The following BBS9 variants were observed in gnomAD, a reference collection of about 807,000 sequenced individuals.
BBS9 encodes the protein Bardet-Biedl syndrome 9.
BBS9 carries 89 observed loss-of-function variants against 117.7 expected under a neutral mutation model. The ratio of observed to expected loss-of-function variants is 0.76; its 90% CI spans 0.64 to 0.90. The LOEUF is 0.90. Ranked by LOEUF, BBS9 falls within the 40% of genes least tolerant of loss-of-function variation. BBS9 has a pLI of 0.00. For synonymous variants in BBS9, 379 were observed against 370.9 expected, an observed-to-expected ratio of 1.02 and a Z score of -0.25; for missense variants, 982 against 1,042.2, an observed-to-expected ratio of 0.94 and a Z score of 0.80.
chr7:33,151,833 G>A (rs761049231), intron 2 of BBS9, among the ~76,000 whole-genome samples: 5 of 146,874 alleles, frequency 3.4e-5, no homozygotes, highest in Non-Finnish European at 6.0e-5. Flanking sequence ...TTACAGGCAT[G>A]AGCCACTGCA....
chr7:33,257,159 G>A (rs1230195886), intron 5 of BBS9, 77 bp from the exon 6 acceptor site: 1 of 1,031,772 alleles, frequency 9.7e-7, no homozygotes, highest in Non-Finnish European at 1.4e-6. Context: ...AGACATACAT[G>A]TTGTAGATAG....
intron 15 of BBS9, 200 bp from the exon 16 acceptor site, chr7:33,357,655 T>C: frequency 1.5e-6 from 1 of 661,334 alleles, no homozygotes. Flanking sequence ...TAAAATTTTA[T>C]TTTTGCCTTG....
At chr7:33,580,802 G>A (rs1025496212) in intron 21 of BBS9, among the ~76,000 whole-genome samples, 2 of 152,180 alleles carry the variant, frequency 1.3e-5, no homozygotes, top group Non-Finnish European at 2.9e-5. Context: ...AGGATGCTAA[G>A]ACAGTTTTGG....
chr7:33,218,668 G>C (rs1165634076), intron 5 of BBS9, among the ~76,000 whole-genome samples: 1 of 152,222 alleles, frequency 6.6e-6, no homozygotes, highest in Non-Finnish European at 1.5e-5. Context: ...ATGCTAGTGT[G>C]CTAGCCCAAA....
At chr7:33,514,426 T>C (rs1042257245) in intron 20 of BBS9, among the ~76,000 whole-genome samples, 7 of 152,134 alleles carry the variant, frequency 4.6e-5, no homozygotes, top group Non-Finnish European at 1.0e-4. Context: ...TGGAGTTTGA[T>C]GGAAAACATA....
intron 19 of BBS9, among the ~76,000 whole-genome samples, chr7:33,466,379 G>T (rs1840164497): frequency 7.1e-6 from 1 of 140,252 alleles, no homozygotes; most frequent in African/African-American, 2.7e-5. Context: ...CTGCATATAT[G>T]TGAGGTCATG....
intron 21 of BBS9, among the ~76,000 whole-genome samples, chr7:33,545,687 G>C (rs1007711987): frequency 6.6e-6 from 1 of 151,956 alleles, no homozygotes; most frequent in Non-Finnish European, 1.5e-5. Flanking sequence ...CTGCAATCTA[G>C]TCCTGCCTCC....
chr7:33,522,013 C>T (rs367548611), intron 20 of BBS9, among the ~76,000 whole-genome samples: 57 of 150,120 alleles, frequency 3.8e-4, no homozygotes, highest in East Asian at 3.8e-3. Flanking sequence ...TTTTTGTTCT[C>T]GCGATAGTTT....
chr7:33,139,698 G>C (rs1456693730), intron 1 of BBS9, among the ~76,000 whole-genome samples: 2 of 151,768 alleles, frequency 1.3e-5, no homozygotes, highest in African/African-American at 4.8e-5. Context: ...GTCTGTGTTA[G>C]GCAAAGGTAA....
chr7:33,142,713 C>T lies in BBS9; in HGVS notation c.-11-3529C>T, dbSNP rs765725778. On this transcript the variant is annotated intron_variant, in intron 1 of 22. Coordinates refer to ENST00000242067, the MANE Select transcript of BBS9 (RefSeq NM_198428.3). ...TTTGTGACTGGCTTATTTTACTTAA[C>T]ATGATGTCCTCAAGGTTCATCTACA... is the stretch of plus-strand genomic sequence containing the variant. 3.3e-5 allele frequency among the ~76,000 whole-genome samples: 5 copies of T among 152,168 alleles called. No individual in the cohort carries two copies. In the South Asian group the frequency reaches 1.0e-3, roughly 32 times the overall value.
intron 19 of BBS9, among the ~76,000 whole-genome samples, chr7:33,397,993 A>T (rs1584654111): frequency 1.3e-5 from 2 of 152,280 alleles, no homozygotes; most frequent in East Asian, 3.9e-4. Context: ...GTTGAAGAAA[A>T]AAAAATAAAA....
chr7:33,287,548 A>T (rs769708877), intron 9 of BBS9, among the ~76,000 whole-genome samples: 5 of 152,222 alleles, frequency 3.3e-5, no homozygotes, highest in Non-Finnish European at 7.3e-5. Flanking sequence ...ACTCTAGGTT[A>T]TCTGATCAAC....
intron 19 of BBS9, among the ~76,000 whole-genome samples, chr7:33,475,991 A>G (rs553104006): frequency 6.6e-6 from 1 of 152,312 alleles, no homozygotes; most frequent in South Asian, 2.1e-4. Context: ...AAATACAGAG[A>G]GGCGGTCAAT....
At chr7:33,332,236 C>G (rs1267378476) in intron 9 of BBS9, among the ~76,000 whole-genome samples, 1 of 151,720 alleles carries the variant, frequency 6.6e-6, no homozygotes, top group African/African-American at 2.4e-5. Flanking sequence ...GCTGGGAAAA[C>G]TGGCAAGCCA....
chr7:33,361,568 C>T (rs1820625790), intron 16 of BBS9, among the ~76,000 whole-genome samples: 1 of 152,096 alleles, frequency 6.6e-6, no homozygotes, highest in South Asian at 2.1e-4. Flanking sequence ...CGCATGATAG[C>T]AGCTGGATTC....
intron 3 of BBS9, 129 bp downstream of exon 3, chr7:33,152,980 G>A (rs1793583448): frequency 3.0e-6 from 3 of 1,008,786 alleles, no homozygotes; most frequent in Admixed American, 2.1e-5. Flanking sequence ...TCACCTAGGG[G>A]TTTCTCACGT....
chr7:33,291,523 G>A (rs182123978), intron 9 of BBS9, among the ~76,000 whole-genome samples: 1 of 152,094 alleles, frequency 6.6e-6, no homozygotes, highest in Non-Finnish European at 1.5e-5. Flanking sequence ...TCAAGATTAT[G>A]TCACATTTGA....
chr7:33,320,980 A>AGACT (rs1811593971), intron 9 of BBS9, among the ~76,000 whole-genome samples: 1 of 152,078 alleles, frequency 6.6e-6, no homozygotes, highest in South Asian at 2.1e-4. Context: ...CTTATTGAAG[A>AGACT]GACTGTCCTT....
At position 33,568,505 on chromosome 7, in the gene BBS9, A is replaced by G. The variant is rs111791442; in HGVS notation, c.2521+34329A>G. Among the ~76,000 whole-genome samples the G allele has an allele frequency of 8.4e-3, 1,286 of 152,328 alleles. 12 individuals carry two copies. Among genetic ancestry groups the G allele is most frequent in the Middle Eastern group, 0.048 (14 of 294 alleles). ...GACTGTAAGTTCCTTAAGGTTAGCA[A>G]TGGGCTTATCTGTGTTGTAACTTGT... On this transcript the variant is annotated intron_variant, in intron 21 of 22. Transcript: ENST00000242067.
Sources: allele counts gnomAD v4.1 joint callset (sites outside exome capture counted in the v4.1 genomes callset), GRCh38; gene constraint gnomAD v4.1.1; transcripts MANE v1.5; gene names NCBI Gene and HGNC (gene_info 2026-07-23, HGNC 2026-07-21).